Variants in SLC22A9 observed in about 807,000 individuals in gnomAD.
SLC22A9 encodes solute carrier family 22 member 9, also known as organic anion transporter 7.
A neutral mutation model predicts 50.1 loss-of-function variants in SLC22A9; 64 were observed. The observed-to-expected ratio is 1.28, with a 90% CI of 1.04 to 1.57. The LOEUF (loss-of-function observed/expected upper bound fraction) is 1.57. Ranked by LOEUF, SLC22A9 falls within the 40% of genes most tolerant of loss-of-function variation. The pLI, the probability that SLC22A9 is intolerant of heterozygous loss-of-function variation, is 0.00. For missense variants in SLC22A9, 757 were observed against 676.1 expected (o/e 1.12, Z -1.33); for synonymous variants, 261 against 242.5 (o/e 1.08, Z -0.71).
chr11:63,370,605 C>T (rs1344538597), intron 1 of SLC22A9, 147 bp downstream of exon 1: 1 of 934,870 alleles, frequency 1.1e-6, no homozygotes, highest in East Asian at 2.8e-5. Context: ...TATTAAATGT[C>T]TGACACCTAC....
At chr11:63,386,434 C>CTTTTTTTTTTTTTTTTTTTTT in intron 6 of SLC22A9, among the ~76,000 whole-genome samples, 1 of 33,494 alleles carries the variant, frequency 3.0e-5, no homozygotes. Context: ...TGGACCTGGA[C>CTTTTTTTTTTTTTTTTTTTTT]TTTTTTTTTT....
Position 63,370,406 on chromosome 11 carries a change from T to G in SLC22A9, c.350T>G (p.Val117Gly). Residue 117 changes from valine (V) to glycine (G), a missense_variant, in exon 1 of 10, where the codon GTG becomes GGG. Val to Gly is a moderately radical substitution (Grantham distance 109, BLOSUM62 -3). Transcript: ENST00000279178. Reference sequence around the variant, plus strand: ...AGTGACGCAGACATGGAGCCCTGTGTGGATGGCTGGGTGTATGACAGAATC... The same window carrying G: ...AGTGACGCAGACATGGAGCCCTGTGGGGATGGCTGGGTGTATGACAGAATC... ...NTSDADMEPC[V>G]DGWVYDRISF... 1.2e-6 allele frequency: 2 copies of G among 1,611,796 alleles called. No homozygotes were observed. Among genetic ancestry groups the G allele is most frequent in the Non-Finnish European group, 1.7e-6 (2 of 1,178,746 alleles).
intron 6 of SLC22A9, among the ~76,000 whole-genome samples, chr11:63,383,988 G>A (rs909824340): frequency 2.0e-5 from 3 of 151,556 alleles, no homozygotes; most frequent in African/African-American, 4.9e-5. Flanking sequence ...GGTGGAGATT[G>A]CAGTGAGCTG....
intron 6 of SLC22A9, among the ~76,000 whole-genome samples, chr11:63,388,117 A>G (rs1486530259): frequency 2.0e-5 from 3 of 152,128 alleles, no homozygotes; most frequent in African/African-American, 7.2e-5. Context: ...TCTGCAAACA[A>G]GAATAATTTG....
At chr11:63,407,646 C>T (rs1181534151) in intron 7 of SLC22A9, among the ~76,000 whole-genome samples, 1 of 152,150 alleles carries the variant, frequency 6.6e-6, no homozygotes, top group Admixed American at 6.6e-5. Flanking sequence ...CATAGACCTC[C>T]TGATCTTTTA....
chr11:63,377,637 C>T (rs996822497), intron 5 of SLC22A9, among the ~76,000 whole-genome samples: 38 of 151,990 alleles, frequency 2.5e-4, no homozygotes, highest in African/African-American at 9.2e-4. Context: ...AACCTCAAAC[C>T]TATTGGAACT....
intron 5 of SLC22A9, among the ~76,000 whole-genome samples, chr11:63,379,219 C>T (rs79158127): frequency 4.6e-5 from 7 of 152,120 alleles, no homozygotes; most frequent in Admixed American, 4.6e-4. Context: ...AATGCCATAC[C>T]TCTACAACCA....
chr11:63,377,715 T>C (rs956195888), intron 5 of SLC22A9, among the ~76,000 whole-genome samples: 6 of 151,900 alleles, frequency 3.9e-5, no homozygotes, highest in Non-Finnish European at 8.8e-5. Context: ...AAAGCTGAAC[T>C]GAGTGAAATT....
At chr11:63,375,599 T>C (rs2014445461) in intron 4 of SLC22A9, 46 bp from the exon 5 acceptor site, 1 of 1,592,654 alleles carries the variant, frequency 6.3e-7, no homozygotes, top group Non-Finnish European at 8.5e-7. Flanking sequence ...ATGTAAGAAA[T>C]GAGGAAGTGA....
In SLC22A9 at chr11:63,409,894, G is replaced by C. The variant is rs1440510061; in HGVS notation, c.*32G>C. 3.7e-6 allele frequency: 6 copies of C among 1,609,720 alleles called. No individual in the cohort carries two copies. In the East Asian group the frequency reaches 1.1e-4, roughly 30 times the overall value. ...CCAGGAGCTGACTGCCGATCAATGA[G>C]CCAGATGAAGGGAACAATCAGGACT... On this transcript the variant is annotated 3_prime_UTR_variant, in exon 10 of 10. Transcript: ENST00000279178.
chr11:63,385,961 A>G (rs559075101), intron 6 of SLC22A9, among the ~76,000 whole-genome samples: 1 of 152,268 alleles, frequency 6.6e-6, no homozygotes, highest in East Asian at 1.9e-4. Flanking sequence ...ATTTTAAGGT[A>G]TGTTCCTTCA....
chr11:63,390,765 C>G (rs1034508353), intron 6 of SLC22A9, among the ~76,000 whole-genome samples: 1 of 152,098 alleles, frequency 6.6e-6, no homozygotes, highest in Admixed American at 6.6e-5. Context: ...AGCATTGAAT[C>G]TATGAATTAC....
Position 63,408,086 on chromosome 11 carries a change from A to T in SLC22A9, c.1289-26A>T, listed in dbSNP as rs758419943. 1.9e-6 allele frequency: 3 copies of T among 1,586,926 alleles called. No individual in the cohort carries two copies. In the Admixed American group the frequency reaches 5.0e-5, roughly 27 times the overall value. The stretch of plus-strand genomic sequence containing the variant: ...TGATTCCTTCAGCTCAGATTTCCTG[A>T]GGCCTTGTGTTCTTCCTTTCTCCAG... On this transcript the variant is annotated intron_variant, in intron 7 of 9. Coordinates refer to ENST00000279178, the MANE Select transcript of SLC22A9 (RefSeq NM_080866.3).
At position 63,408,157 on chromosome 11, in the gene SLC22A9, C is replaced by A. The variant is rs138350283; in HGVS notation, c.1334C>A (p.Ala445Glu). 1.9e-6 allele frequency: 3 copies of A among 1,613,742 alleles called. No individual in the cohort carries two copies. In the East Asian group the frequency reaches 6.7e-5, roughly 36 times the overall value. ...GTTTTGGCAACACTGGGCTTAGGAG[C>A]GTCTGCTCTTGCCAATACCCTTGCT... The part of the protein sequence containing the change: ...REVLATLGLG[A>E]SALANTLAFA... Residue 445 changes from alanine (A) to glutamate (E), a missense_variant, in exon 8 of 10, where the codon GCG becomes GAG. Ala to Glu is a moderately radical substitution (Grantham distance 107). Coordinates refer to ENST00000279178, the MANE Select transcript of SLC22A9 (RefSeq NM_080866.3).
At position 63,382,844 on chromosome 11, in the gene SLC22A9, G is replaced by A. The variant is rs77841419; in HGVS notation, c.1073+567G>A. 7.3e-3 allele frequency among the ~76,000 whole-genome samples: 1,118 copies of A among 152,238 alleles called. 18 individuals are homozygous for A. Among genetic ancestry groups the A allele is most frequent in the African/African-American group, 0.024 (1,007 of 41,536 alleles). The stretch of plus-strand genomic sequence containing the variant: ...TAAGATGTTGTAAAACAATAGATGA[G>A]CACAAACCCAAGAACAGTTGCACTG... On this transcript the variant is annotated intron_variant, in intron 6 of 9. Coordinates refer to ENST00000279178, the MANE Select transcript of SLC22A9 (RefSeq NM_080866.3).
At chr11:63,380,336 G>A (rs1373726058) in intron 5 of SLC22A9, among the ~76,000 whole-genome samples, 1 of 152,078 alleles carries the variant, frequency 6.6e-6, no homozygotes, top group Non-Finnish European at 1.5e-5. Context: ...CTACTACTGG[G>A]TGTATACCCC....
intron 2 of SLC22A9, among the ~76,000 whole-genome samples, chr11:63,372,352 G>A (rs1045670471): frequency 6.6e-6 from 1 of 151,994 alleles, no homozygotes; most frequent in Non-Finnish European, 1.5e-5. Flanking sequence ...ATTAATAATA[G>A]GTTAATAAAT....
At chr11:63,388,808 C>T (rs1197538268) in intron 6 of SLC22A9, among the ~76,000 whole-genome samples, 1 of 152,020 alleles carries the variant, frequency 6.6e-6, no homozygotes, top group Non-Finnish European at 1.5e-5. Context: ...AGGTCCAGAG[C>T]TTGTCTTTGC....
chr11:63,398,063 T>C (rs1380288497), intron 6 of SLC22A9, among the ~76,000 whole-genome samples: 1 of 152,164 alleles, frequency 6.6e-6, no homozygotes, highest in Non-Finnish European at 1.5e-5. Context: ...CCACCACTGA[T>C]GATTATTCAG....
Sources: allele counts gnomAD v4.1 joint callset (sites outside exome capture counted in the v4.1 genomes callset), GRCh38; gene constraint gnomAD v4.1.1; transcripts MANE v1.5; gene names NCBI Gene and HGNC (gene_info 2026-07-23, HGNC 2026-07-21).